NINL: variants seen among roughly 807,000 people sequenced by gnomAD.
NINL encodes ninein-like protein.
A neutral mutation model predicts 160.3 loss-of-function variants in NINL; 153 were observed. The observed-to-expected ratio is 0.95, with a 90% CI of 0.84 to 1.09. The LOEUF (loss-of-function observed/expected upper bound fraction) is 1.09. Among genes scored for constraint, NINL ranks in the 50% least tolerant of loss-of-function variants. The pLI is 0.00. For synonymous variants in NINL, 800 were observed against 734.8 expected (o/e 1.09, Z -1.43); for missense variants, 1,829 against 1,764.0 (o/e 1.04, Z -0.66).
chr20:25,463,949 C>G (rs1041495056), intron 19 of NINL, among the ~76,000 whole-genome samples: 7 of 152,164 alleles, frequency 4.6e-5, no homozygotes, highest in Non-Finnish European at 7.3e-5. Flanking sequence ...TGGTATAGAG[C>G]TCATGTGTTT....
intron 1 of NINL, among the ~76,000 whole-genome samples, chr20:25,574,153 C>T (rs1157155143): frequency 6.6e-6 from 1 of 152,178 alleles, no homozygotes; most frequent in Non-Finnish European, 1.5e-5. Context: ...TCAAAAGTCC[C>T]CTATTTTAAA....
At chr20:25,485,808 T>C (rs943622878) in intron 13 of NINL, among the ~76,000 whole-genome samples, 4 of 152,240 alleles carry the variant, frequency 2.6e-5, no homozygotes, top group Non-Finnish European at 5.9e-5. Context: ...ATTTTCTCCT[T>C]TTCTCAGTGG....
At chr20:25,485,096 T>G (rs560938182) in intron 13 of NINL, among the ~76,000 whole-genome samples, 1 of 152,232 alleles carries the variant, frequency 6.6e-6, no homozygotes, top group East Asian at 1.9e-4. Flanking sequence ...AAAATATCAA[T>G]GTCATAAAGA....
At chr20:25,498,802 C>G (rs1360416481) in intron 8 of NINL, 1 of 682,368 alleles carries the variant, frequency 1.5e-6, no homozygotes, top group Non-Finnish European at 1.8e-6. Flanking sequence ...GAGGGGGTCC[C>G]CACAGCAGCC....
At chr20:25,461,779 T>G in intron 20 of NINL, 144 bp from the exon 21 acceptor site, 2 of 586,730 alleles carry the variant, frequency 3.4e-6, no homozygotes, top group African/African-American at 1.9e-5. Context: ...AGGCCGGCCC[T>G]GTGTCCTGCA....
intron 1 of NINL, among the ~76,000 whole-genome samples, chr20:25,553,398 A>G (rs2147103514): frequency 6.6e-6 from 1 of 152,350 alleles, no homozygotes. Context: ...CTGAGGATGC[A>G]CACAGTACAG....
At chr20:25,514,196 A>T (rs1011142062) in intron 3 of NINL, among the ~76,000 whole-genome samples, 1 of 152,214 alleles carries the variant, frequency 6.6e-6, no homozygotes, top group African/African-American at 2.4e-5. Flanking sequence ...GGAGATAAGG[A>T]GCATATTGGG....
intron 2 of NINL, among the ~76,000 whole-genome samples, chr20:25,520,179 G>A (rs777553160): frequency 3.3e-5 from 5 of 152,050 alleles, no homozygotes; most frequent in Non-Finnish European, 5.9e-5. Flanking sequence ...TTACACAGGT[G>A]CGCTCAGTTT....
intron 1 of NINL, among the ~76,000 whole-genome samples, chr20:25,582,808 T>C (rs976899618): frequency 4.6e-5 from 7 of 152,000 alleles, no homozygotes; most frequent in African/African-American, 1.4e-4. Context: ...TTTTAACTAC[T>C]TAAAAAAAAA....
intron 13 of NINL, among the ~76,000 whole-genome samples, chr20:25,485,708 TA>T (rs770251352): frequency 5.3e-5 from 8 of 152,230 alleles, no homozygotes; most frequent in Non-Finnish European, 1.0e-4. Flanking sequence ...TAATTTTTAT[TA>T]AATCAAATGT....
chr20:25,474,530 C>A (rs1414817158), intron 17 of NINL, among the ~76,000 whole-genome samples: 1 of 152,050 alleles, frequency 6.6e-6, no homozygotes, highest in African/African-American at 2.4e-5. Context: ...AGAATACTGT[C>A]TTACAAAAAT....
intron 1 of NINL, among the ~76,000 whole-genome samples, chr20:25,544,437 C>A (rs1015489564): frequency 3.9e-5 from 6 of 152,168 alleles, no homozygotes; most frequent in Admixed American, 3.9e-4. Flanking sequence ...AGGATGCAGA[C>A]AGATTAAAGA....
intron 1 of NINL, among the ~76,000 whole-genome samples, chr20:25,570,338 T>G (rs1385543826): frequency 6.6e-6 from 1 of 152,162 alleles, no homozygotes; most frequent in African/African-American, 2.4e-5. Flanking sequence ...CGGTTTCTCA[T>G]GGGTAAGCAC....
intron 18 of NINL, among the ~76,000 whole-genome samples, chr20:25,468,556 T>C (rs1449160372): frequency 9.1e-6 from 1 of 109,896 alleles, no homozygotes; most frequent in Non-Finnish European, 1.8e-5. Flanking sequence ...CTCTCACTGG[T>C]GCGCACCCCC....
chr20:25,506,667 G>C (rs1381855123), intron 5 of NINL, among the ~76,000 whole-genome samples: 1 of 152,166 alleles, frequency 6.6e-6, no homozygotes, highest in African/African-American at 2.4e-5. Context: ...TTAGACTAAT[G>C]TGTTCAATGT....
At chr20:25,522,472 A>G (rs997883671) in intron 2 of NINL, among the ~76,000 whole-genome samples, 1 of 152,218 alleles carries the variant, frequency 6.6e-6, no homozygotes, top group African/African-American at 2.4e-5. Flanking sequence ...TTCCTATCTG[A>G]ATCAATGCTA....
intron 20 of NINL, 26 bp downstream of exon 20, chr20:25,462,355 TCA>T: frequency 6.2e-7 from 1 of 1,601,678 alleles, no homozygotes; most frequent in Admixed American, 1.7e-5. Flanking sequence ...AGCCTCCAGC[TCA>T]GCTCCCTGCG....
intron 4 of NINL, among the ~76,000 whole-genome samples, chr20:25,511,367 C>A (rs554474899): frequency 6.6e-6 from 1 of 152,296 alleles, no homozygotes; most frequent in South Asian, 2.1e-4. Context: ...TCAAGAAACA[C>A]GCGACTTAAG....
intron 1 of NINL, among the ~76,000 whole-genome samples, chr20:25,533,396 C>T (rs1392239335): frequency 6.6e-6 from 1 of 151,974 alleles, no homozygotes; most frequent in Non-Finnish European, 1.5e-5. Flanking sequence ...CGATCCGAGA[C>T]CAAGGGAAGT....
Sources: gnomAD v4.1 joint callset for allele counts (sites outside exome capture counted in the v4.1 genomes callset) on GRCh38, gnomAD v4.1.1 for gene constraint, MANE v1.5 for transcripts, NCBI Gene and HGNC (gene_info 2026-07-23, HGNC 2026-07-21) for gene names.